Variants in PDE4D observed in about 807,000 individuals in gnomAD.
The protein encoded by PDE4D is phosphodiesterase 4D.
PDE4D carries 24 observed loss-of-function variants against 87.4 expected under a neutral mutation model. That is an observed-to-expected ratio of 0.27 (90% CI 0.20 to 0.39). The LOEUF is 0.39. PDE4D is among the 10% of genes least tolerant of loss of function. The pLI, the probability that PDE4D is intolerant of heterozygous loss-of-function variation, is 1.00. For missense variants in PDE4D, 714 were observed against 1,041.0 expected (o/e 0.69, Z 4.32); for synonymous variants, 384 against 383.2 (o/e 1.00, Z -0.02).
intron 1 of PDE4D, among the ~76,000 whole-genome samples, chr5:59,688,438 T>G (rs1403048111): frequency 1.3e-5 from 2 of 152,130 alleles, no homozygotes; most frequent in Admixed American, 6.6e-5. Flanking sequence ...CTCAACTACA[T>G]GGAAACTGAA....
intron 1 of PDE4D, among the ~76,000 whole-genome samples, chr5:59,812,690 T>G (rs1176812993): frequency 6.7e-6 from 1 of 149,432 alleles, no homozygotes; most frequent in Non-Finnish European, 1.5e-5. Flanking sequence ...AAAAAGTAAA[T>G]AAATAAAAAA....
chr5:59,733,454 C>T (rs1757660896), intron 1 of PDE4D, among the ~76,000 whole-genome samples: 1 of 151,960 alleles, frequency 6.6e-6, no homozygotes, highest in African/African-American at 2.4e-5. Flanking sequence ...CCAGTGTCTC[C>T]CATACCCCAA....
intron 1 of PDE4D, among the ~76,000 whole-genome samples, chr5:59,637,300 G>A (rs1832371083): frequency 6.6e-6 from 1 of 152,162 alleles, no homozygotes; most frequent in Non-Finnish European, 1.5e-5. Flanking sequence ...GTTGGTGGGA[G>A]TGTAAATTGG....
chr5:59,528,793 T>A (rs1357012411), intron 1 of PDE4D: 1 of 258,976 alleles, frequency 3.9e-6, no homozygotes, highest in East Asian at 1.1e-4. Context: ...GGAACAGACC[T>A]GATGGTTACA....
chr5:59,409,429 A>G (rs258122), intron 1 of PDE4D, among the ~76,000 whole-genome samples: 36,553 of 152,032 alleles, frequency 0.24, 4,726 homozygotes, highest in East Asian at 0.4. Flanking sequence ...TGTCCCCTCC[A>G]AATCTCATAT....
chr5:59,197,387 A>G (rs1273389211), intron 2 of PDE4D, among the ~76,000 whole-genome samples: 1 of 152,186 alleles, frequency 6.6e-6, no homozygotes, highest in Non-Finnish European at 1.5e-5. Flanking sequence ...TTTCTGCCAA[A>G]TATCTCAAGA....
intron 1 of PDE4D, among the ~76,000 whole-genome samples, chr5:60,216,705 T>A (rs1452222047): frequency 6.6e-6 from 1 of 152,052 alleles, no homozygotes; most frequent in Non-Finnish European, 1.5e-5. Context: ...AAGAAAGACA[T>A]ATTACATATT....
At chr5:59,904,925 G>A (rs1257660373) in intron 3 of PDE4D, among the ~76,000 whole-genome samples, 1 of 152,050 alleles carries the variant, frequency 6.6e-6, no homozygotes, top group Non-Finnish European at 1.5e-5. Context: ...TTCAGGAAAG[G>A]AAAAAATATA....
intron 1 of PDE4D, among the ~76,000 whole-genome samples, chr5:59,652,007 C>T (rs943028092): frequency 6.6e-6 from 1 of 152,192 alleles, no homozygotes; most frequent in Admixed American, 6.5e-5. Context: ...CCCTCTCACC[C>T]GAATTTAGGA....
Position 59,048,372 on chromosome 5 carries a change from G to T in PDE4D, c.809-9401C>A, listed in dbSNP as rs1268933456. Among the ~76,000 whole-genome samples the T allele has an allele frequency of 3.9e-5, 6 of 152,308 alleles. No individual in the cohort carries two copies. In the East Asian group the frequency reaches 1.2e-3, roughly 29 times the overall value. On this transcript the variant is annotated intron_variant, in intron 5 of 14. Transcript: ENST00000340635. ...CAATCTTAGGATATAACAGTCTTTT[G>T]TTCTTCACCTTTGTCAATTACTGCA... is the stretch of plus-strand genomic sequence containing the variant.
chr5:59,184,004 A>G (rs1742312128), intron 4 of PDE4D, among the ~76,000 whole-genome samples: 3 of 152,152 alleles, frequency 2.0e-5, no homozygotes, highest in Admixed American at 1.3e-4. Flanking sequence ...TCAGACAGAG[A>G]TGGAAAGGCA....
chr5:59,759,782 C>A (rs1660797252), intron 1 of PDE4D, among the ~76,000 whole-genome samples: 1 of 152,278 alleles, frequency 6.6e-6, no homozygotes, highest in African/African-American at 2.4e-5. Flanking sequence ...CAGATGATTT[C>A]CCCCAGAAAC....
At chr5:59,771,499 G>GAAGAAAGA (rs779235734) in intron 1 of PDE4D, among the ~76,000 whole-genome samples, 590 of 19,632 alleles carry the variant, frequency 0.03, 39 homozygotes, top group East Asian at 0.065. Flanking sequence ...GAGAGAGAGA[G>GAAGAAAGA]AAGAAAGAAA....
chr5:59,613,974 CT>C (rs1316603371), intron 1 of PDE4D, among the ~76,000 whole-genome samples: 2 of 151,894 alleles, frequency 1.3e-5, no homozygotes, highest in Non-Finnish European at 2.9e-5. Context: ...TTAAAAAAAA[CT>C]TTTTTCTTAA....
chr5:60,059,149 C>G lies in PDE4D; in HGVS notation c.43-70432G>C, dbSNP rs76417025. 7.4e-4 allele frequency among the ~76,000 whole-genome samples: 112 copies of G among 151,048 alleles called. 2 individuals carry two copies. The East Asian group carries it at 9.6e-3, about 13-fold the overall frequency. ...TGGATACATGATATAATGTAATTGG[C>G]AAAACCCAAAACACACTGGAGATTT... On this transcript the variant is annotated intron_variant, in intron 2 of 16. Coordinates refer to the PDE4D transcript ENST00000502484.
chr5:59,039,673 T>A (rs1759286926), intron 5 of PDE4D: 1 of 260,710 alleles, frequency 3.8e-6, no homozygotes, highest in African/African-American at 2.3e-5. Flanking sequence ...CAAAAGCCTG[T>A]CCCTGTCCGT....
chr5:59,418,348 A>AT (rs1056089085), intron 1 of PDE4D, among the ~76,000 whole-genome samples: 1 of 151,862 alleles, frequency 6.6e-6, no homozygotes, highest in African/African-American at 2.4e-5. Context: ...ACCACACTCA[A>AT]TTTTTTTTCT....
At chr5:60,135,129 G>A (rs1010469617) in intron 2 of PDE4D, among the ~76,000 whole-genome samples, 3 of 152,180 alleles carry the variant, frequency 2.0e-5, no homozygotes, top group African/African-American at 7.2e-5. Flanking sequence ...GGGCACTTGA[G>A]ATGTCATTAG....
intron 1 of PDE4D, among the ~76,000 whole-genome samples, chr5:59,751,213 G>T (rs962085475): frequency 6.6e-6 from 1 of 152,100 alleles, no homozygotes; most frequent in Non-Finnish European, 1.5e-5. Flanking sequence ...GTATACTTTT[G>T]CAATTCAGTA....
Sources: gnomAD v4.1 joint callset for allele counts (sites outside exome capture counted in the v4.1 genomes callset) on GRCh38, gnomAD v4.1.1 for gene constraint, MANE v1.5 for transcripts, NCBI Gene and HGNC (gene_info 2026-07-23, HGNC 2026-07-21) for gene names.